Variants in ANK3 observed in about 807,000 individuals in gnomAD.
ANK3 encodes the protein ankyrin-3.
In ANK3, 57 loss-of-function variants were observed where a neutral mutation model predicts 370.9. The observed-to-expected ratio is 0.15, with a 90% CI of 0.12 to 0.19. The LOEUF (loss-of-function observed/expected upper bound fraction) is 0.19. Among genes scored for constraint, ANK3 ranks in the 10% least tolerant of loss-of-function variants. ANK3 has a pLI of 1.00. For missense variants in ANK3, 4,439 were observed against 5,302.1 expected (o/e 0.84, Z 5.06); for synonymous variants, 1,929 against 1,946.3 (o/e 0.99, Z 0.23).
intron 2 of ANK3, among the ~76,000 whole-genome samples, chr10:60,422,700 G>A (rs960063197): frequency 1.3e-5 from 2 of 152,024 alleles, no homozygotes; most frequent in Non-Finnish European, 2.9e-5. Flanking sequence ...TTGCACAGCT[G>A]TTACAAGGGA....
intron 1 of ANK3, among the ~76,000 whole-genome samples, chr10:60,331,432 A>C (rs1289169924): frequency 6.6e-6 from 1 of 152,126 alleles, no homozygotes; most frequent in Non-Finnish European, 1.5e-5. Context: ...AACAAAATGA[A>C]ACAGTGTTTT....
intron 1 of ANK3, among the ~76,000 whole-genome samples, chr10:60,636,216 A>C (rs1782483860): frequency 6.6e-6 from 1 of 152,200 alleles, no homozygotes; most frequent in African/African-American, 2.4e-5. Context: ...CAATGAAGAA[A>C]TTTAGCTTCT....
chr10:60,091,965 G>A (rs543490109), intron 28 of ANK3, among the ~76,000 whole-genome samples: 58 of 152,214 alleles, frequency 3.8e-4, no homozygotes, highest in Middle Eastern at 3.4e-3. Context: ...TCTTGACCTC[G>A]TGATCTGCCC....
At chr10:60,077,639 T>C (rs2084133439) in intron 36 of ANK3, among the ~76,000 whole-genome samples, 2 of 152,232 alleles carry the variant, frequency 1.3e-5, no homozygotes, top group Non-Finnish European at 1.5e-5. Flanking sequence ...AGCATATAGT[T>C]TATCTCAGAT....
rs186598242 is a variant in ANK3, at chr10:60,620,683, C to G, written c.58-5459G>C. Among the ~76,000 whole-genome samples the G allele has an allele frequency of 2.6e-3, 398 of 152,308 alleles. 1 individual carries two copies. The highest frequency in any genetic ancestry group is 5.1e-3 in the Non-Finnish European group (350 of 68,034). On this transcript the variant is annotated intron_variant, in intron 1 of 43. Coordinates refer to the ANK3 transcript ENST00000373827. ...CAAAGTGTGACATCTTGACAGCCCA[C>G]TTAAGAAACCATTAGTTGTGTTATT...
intron 1 of ANK3, among the ~76,000 whole-genome samples, chr10:60,302,186 T>C (rs1381314278): frequency 6.6e-6 from 1 of 152,152 alleles, no homozygotes; most frequent in Admixed American, 6.5e-5. Context: ...TTGTTGAATA[T>C]GTTCAAAGTG....
intron 1 of ANK3, among the ~76,000 whole-genome samples, chr10:60,292,308 C>T (rs2041578297): frequency 1.3e-5 from 2 of 151,810 alleles, no homozygotes. Flanking sequence ...GAACCTGTTT[C>T]TGATTACCTC....
chr10:60,301,961 C>T (rs1367365818), intron 1 of ANK3, among the ~76,000 whole-genome samples: 1 of 152,106 alleles, frequency 6.6e-6, no homozygotes, highest in African/African-American at 2.4e-5. Context: ...ATGGTAGGCT[C>T]AATTAAGCTT....
chr10:60,393,509 G>A (rs1045586175), upstream of ANK3, among the ~76,000 whole-genome samples: 1 of 152,056 alleles, frequency 6.6e-6, no homozygotes, highest in African/African-American at 2.4e-5. Flanking sequence ...ATGGAGTAAT[G>A]GGCATACTCC....
chr10:60,360,307 G>A (rs1290763808), intron 1 of ANK3, among the ~76,000 whole-genome samples: 1 of 152,232 alleles, frequency 6.6e-6, no homozygotes, highest in Non-Finnish European at 1.5e-5. Flanking sequence ...AAAAGAATAA[G>A]AGTGCTCAGC....
intron 28 of ANK3, among the ~76,000 whole-genome samples, chr10:60,092,881 G>A (rs756349729): frequency 7.9e-5 from 12 of 152,200 alleles, no homozygotes; most frequent in Middle Eastern, 3.4e-3. Context: ...GATTACAGGC[G>A]TGTGCCACCA....
chr10:60,476,000 G>C (rs569948930), intron 2 of ANK3, among the ~76,000 whole-genome samples: 20 of 152,202 alleles, frequency 1.3e-4, no homozygotes, highest in African/African-American at 2.6e-4. Context: ...GAGAAATCTT[G>C]GTTAAATCAA....
At chr10:60,450,737 T>C (rs544265889) in intron 2 of ANK3, among the ~76,000 whole-genome samples, 1 of 152,216 alleles carries the variant, frequency 6.6e-6, no homozygotes, top group Non-Finnish European at 1.5e-5. Context: ...GAATCAGGAA[T>C]AGGAGAGGAA....
chr10:60,355,952 T>C (rs1477833901), intron 1 of ANK3, among the ~76,000 whole-genome samples: 1 of 152,116 alleles, frequency 6.6e-6, no homozygotes, highest in Admixed American at 6.5e-5. Flanking sequence ...TATTTCGGAG[T>C]GTTTTTCAGG....
chr10:60,205,746 A>G (rs747295125), intron 11 of ANK3, 46 bp downstream of exon 11: 5 of 1,401,116 alleles, frequency 3.6e-6, no homozygotes, highest in South Asian at 1.2e-5. Context: ...TGCTAAGGCT[A>G]TACTCTCAGT....
intron 4 of ANK3, among the ~76,000 whole-genome samples, chr10:60,276,413 T>C (rs531189692): frequency 2.6e-5 from 4 of 152,300 alleles, no homozygotes; most frequent in African/African-American, 7.2e-5. Flanking sequence ...CCAGGAATTA[T>C]CATTGAAACT....
intron 8 of ANK3, among the ~76,000 whole-genome samples, chr10:60,221,930 G>A (rs2097066229): frequency 6.6e-6 from 1 of 152,192 alleles, no homozygotes; most frequent in Admixed American, 6.5e-5. Context: ...GAGCTGTGAA[G>A]TATTATATTC....
At chr10:60,306,299 A>AT (rs1469515142) in intron 1 of ANK3, among the ~76,000 whole-genome samples, 3 of 152,054 alleles carry the variant, frequency 2.0e-5, no homozygotes, top group Non-Finnish European at 4.4e-5. Flanking sequence ...AAGTGAGAAC[A>AT]TTTGATACTT....
At chr10:60,630,276 T>C (rs2133339152) in intron 1 of ANK3, among the ~76,000 whole-genome samples, 1 of 152,336 alleles carries the variant, frequency 6.6e-6, no homozygotes, top group Non-Finnish European at 1.5e-5. Context: ...ACTAAAATGT[T>C]TCTTTACATT....
Sources: allele counts gnomAD v4.1 joint callset (sites outside exome capture counted in the v4.1 genomes callset), GRCh38; gene constraint gnomAD v4.1.1; transcripts MANE v1.5; gene names NCBI Gene and HGNC (gene_info 2026-07-23, HGNC 2026-07-21).